TCF7: variants seen among roughly 807,000 people sequenced by gnomAD.
TCF7 encodes the protein T-cell-factor-7.
Under a neutral mutation model 46.8 loss-of-function variants are expected in TCF7, and 19 were observed. The ratio of observed to expected loss-of-function variants is 0.41; its 90% CI spans 0.28 to 0.60. The LOEUF is 0.60. Ranked by LOEUF, TCF7 falls within the 20% of genes least tolerant of loss-of-function variation. The pLI, the probability that TCF7 is intolerant of heterozygous loss-of-function variation, is 0.35. For missense variants in TCF7, 547 were observed against 504.6 expected (o/e 1.08, Z -0.81); for synonymous variants, 245 against 213.4 (o/e 1.15, Z -1.29).
intron 5 of TCF7, chr5:134,139,304 A>G: frequency 8.2e-6 from 4 of 486,204 alleles, no homozygotes; most frequent in Non-Finnish European, 1.5e-5. Context: ...TGTCTCCCTC[A>G]GTGTCCAAGA....
intron 9 of TCF7, 120 bp from the exon 10 acceptor site, chr5:134,146,104 A>C (rs1002994362): frequency 6.2e-7 from 1 of 1,604,604 alleles, no homozygotes; most frequent in Non-Finnish European, 8.5e-7. Flanking sequence ...TTACCACCCA[A>C]GTCCCAGGAA....
At chr5:134,122,422 C>T (rs749730917) in intron 3 of TCF7, among the ~76,000 whole-genome samples, 3 of 152,140 alleles carry the variant, frequency 2.0e-5, no homozygotes, top group East Asian at 3.9e-4. Context: ...CGGCAGCACA[C>T]GGGAATATTC....
At position 134,143,580 on chromosome 5, in the gene TCF7, T is replaced by C. The variant is rs184851472; in HGVS notation, c.1027-12T>C. On this transcript the variant is annotated splice_polypyrimidine_tract_variant and intron_variant, in intron 8 of 9. Transcript: ENST00000342854. The stretch of plus-strand genomic sequence containing the variant: ...TCCCAGATCTGAGCATCCCTCCTTT[T>C]GTTCCCTGCAGGGGAAGAAGAAGAG... 19 of 1,614,034 alleles carry C rather than the reference T, an allele frequency of 1.2e-5. No homozygotes were observed. The highest frequency in any genetic ancestry group is 1.6e-5 in the Non-Finnish European group (19 of 1,180,028).
intron 3 of TCF7, 65 bp from the exon 4 acceptor site, chr5:134,137,994 C>G: frequency 7.4e-7 from 1 of 1,352,070 alleles, no homozygotes; most frequent in Non-Finnish European, 1.0e-6. Flanking sequence ...CCTGTATACC[C>G]TCATCCCAGT....
chr5:134,109,770 C>CAAAAAAAAACA (rs1755307002), upstream of TCF7, among the ~76,000 whole-genome samples: 1 of 140,280 alleles, frequency 7.1e-6, no homozygotes, highest in African/African-American at 2.8e-5. Context: ...GGCTCCATCT[C>CAAAAAAAAACA]AAAAAAAAAA....
intron 3 of TCF7, among the ~76,000 whole-genome samples, chr5:134,128,323 A>G (rs1757628418): frequency 6.6e-6 from 1 of 152,108 alleles, no homozygotes; most frequent in Non-Finnish European, 1.5e-5. Context: ...TGAGGCTCCC[A>G]TGCAGTTGGC....
At chr5:134,121,785 TC>T (rs1756629452) in intron 3 of TCF7, among the ~76,000 whole-genome samples, 2 of 152,284 alleles carry the variant, frequency 1.3e-5, no homozygotes, top group South Asian at 4.1e-4. Context: ...CATCACTCTT[TC>T]GTTTCCACCT....
chr5:134,127,918 T>G (rs1372950773), intron 3 of TCF7, among the ~76,000 whole-genome samples: 1 of 152,206 alleles, frequency 6.6e-6, no homozygotes, highest in Non-Finnish European at 1.5e-5. Flanking sequence ...ATTTTGTTCT[T>G]AAGTAAAAAA....
At chr5:134,132,619 T>C (rs565083293) in intron 3 of TCF7, among the ~76,000 whole-genome samples, 1 of 152,048 alleles carries the variant, frequency 6.6e-6, no homozygotes, top group East Asian at 1.9e-4. Context: ...GGCGAGGGAG[T>C]TTCTCTGCTG....
intron 3 of TCF7, among the ~76,000 whole-genome samples, chr5:134,117,784 T>C (rs141445447): frequency 2.0e-5 from 3 of 152,208 alleles, no homozygotes; most frequent in Non-Finnish European, 4.4e-5. Flanking sequence ...TACATTTCTA[T>C]GTATCGCACC....
At chr5:134,109,074 AGGTACGG>A in the TCF7 span, among the ~76,000 whole-genome samples, 2 of 152,146 alleles carry the variant, frequency 1.3e-5, no homozygotes, top group African/African-American at 4.8e-5. Flanking sequence ...GCCTGACGGC[AGGTACGG>A]GGCCTGCTAA....
chr5:134,145,752 C>A, intron 9 of TCF7: 1 of 1,613,924 alleles, frequency 6.2e-7, no homozygotes, highest in South Asian at 1.1e-5. Context: ...GACAAACTGG[C>A]CCAGAGAACT....
upstream of TCF7, among the ~76,000 whole-genome samples, chr5:134,113,357 C>T (rs898645684): frequency 2.6e-5 from 4 of 152,174 alleles, no homozygotes; most frequent in African/African-American, 9.7e-5. Flanking sequence ...CCCGGCTGGG[C>T]GGGCACAGAT....
At chr5:134,115,196 G>T in intron 1 of TCF7, 41 bp downstream of exon 1, 1 of 1,100,822 alleles carries the variant, frequency 9.1e-7, no homozygotes, top group Non-Finnish European at 1.1e-6. Flanking sequence ...CGCGGTCGCC[G>T]CGCCGCGCCG....
At chr5:134,139,248 A>G in intron 5 of TCF7, 1 of 690,502 alleles carries the variant, frequency 1.4e-6, no homozygotes, top group Non-Finnish European at 2.3e-6. Context: ...GGAGCCTGAC[A>G]TACTCCCTTT....
In TCF7 at chr5:134,143,619, A is replaced by G; in HGVS notation, c.1054A>G (p.Lys352Glu). 1 of 1,614,024 alleles carries G rather than the reference A, an allele frequency of 6.2e-7. No individual in the cohort carries two copies. Residue 352 changes from lysine to glutamate, a missense_variant, in exon 9 of 10, where the codon AAG becomes GAG. Lys to Glu is a moderately conservative substitution (Grantham distance 56). Transcript: ENST00000342854. The part of the protein sequence containing the change: ...YGKKKRRSRE[K>E]HQESTTGGKR... ...GAAGAAGAAGAGGCGGTCGAGGGAA[A>G]AGCACCAAGAATCCACCACAGGTGA...
intron 5 of TCF7, 55 bp downstream of exon 5, chr5:134,139,093 GC>G: frequency 6.3e-7 from 1 of 1,595,402 alleles, no homozygotes; most frequent in Non-Finnish European, 8.5e-7. Context: ...ACCAAGACCT[GC>G]CTGCCCTTCC....
At chr5:134,144,275 TC>T (rs2149358524) in intron 9 of TCF7, 1 of 166,584 alleles carries the variant, frequency 6.0e-6, no homozygotes, top group South Asian at 1.6e-4. Context: ...AGGGCAGAGT[TC>T]CTAGCCCTTT....
upstream of TCF7, among the ~76,000 whole-genome samples, chr5:134,111,523 C>T (rs1013624268): frequency 4.6e-5 from 7 of 151,996 alleles, no homozygotes; most frequent in East Asian, 1.9e-4. Context: ...CAGGTGGCCT[C>T]GGGTGGGCTC....
Sources: allele counts gnomAD v4.1 joint callset (sites outside exome capture counted in the v4.1 genomes callset), GRCh38; gene constraint gnomAD v4.1.1; transcripts MANE v1.5; gene names NCBI Gene and HGNC (gene_info 2026-07-23, HGNC 2026-07-21).